The following RFC1 variants were observed in gnomAD, a reference collection of about 807,000 sequenced individuals.
RFC1 encodes the protein replication factor C subunit 1.
A neutral mutation model predicts 137.4 loss-of-function variants in RFC1; 37 were observed. That is an observed-to-expected ratio of 0.27 (90% CI 0.21 to 0.35). The LOEUF (loss-of-function observed/expected upper bound fraction) is 0.35. RFC1 is among the 10% of genes least tolerant of loss of function. The pLI, the probability that RFC1 is intolerant of heterozygous loss-of-function variation, is 1.00. For synonymous variants in RFC1, 429 were observed against 455.7 expected (o/e 0.94, Z 0.75); for missense variants, 1,205 against 1,358.5 (o/e 0.89, Z 1.78).
At chr4:39,351,283 A>C (rs1168899417) in intron 2 of RFC1, 65 bp downstream of exon 2, 5 of 485,238 alleles carry the variant, frequency 1.0e-5, no homozygotes, top group Admixed American at 6.6e-5. Flanking sequence ...AAAAAAAAAA[A>C]AACTTATAAG....
intron 2 of RFC1, among the ~76,000 whole-genome samples, chr4:39,345,925 C>T (rs1220725936): frequency 6.6e-6 from 1 of 152,158 alleles, no homozygotes; most frequent in South Asian, 2.1e-4. Flanking sequence ...ACAAAGAATT[C>T]TCCAGACTAA....
intron 3 of RFC1, among the ~76,000 whole-genome samples, chr4:39,344,268 G>T (rs1355343016): frequency 1.3e-5 from 2 of 152,092 alleles, no homozygotes; most frequent in Non-Finnish European, 2.9e-5. Flanking sequence ...AAAAATTCAT[G>T]TTCCCTATTT....
At chr4:39,290,386 T>A (rs551968722) in intron 23 of RFC1, among the ~76,000 whole-genome samples, 1 of 140,310 alleles carries the variant, frequency 7.1e-6, no homozygotes, top group East Asian at 2.1e-4. Flanking sequence ...AAAAAAAAAA[T>A]ACGTATATAT....
In RFC1 at chr4:39,320,668, T is replaced by C; in HGVS notation, c.810A>G (p.Val270=). Residue 270 remains valine, a splice_region_variant and synonymous_variant, in exon 9 of 25, where the codon GTA becomes GTG. Coordinates refer to ENST00000349703, the MANE Select transcript of RFC1 (RefSeq NM_002913.5). The stretch of plus-strand genomic sequence containing the variant: ...TTTCATCTGAAACTTGTGCTGTTTT[T>C]ACTAGGAAGAAAGAAAAGATTATGG... The part of the protein sequence containing the change: ...KAEKHKYPHK[V]KTAQVSDERK... 1 of 1,567,826 alleles carries C rather than the reference T, an allele frequency of 6.4e-7. No individual in the cohort carries two copies.
chr4:39,356,727 TTAG>T (rs1741499031), intron 1 of RFC1, among the ~76,000 whole-genome samples: 1 of 152,234 alleles, frequency 6.6e-6, no homozygotes, highest in Non-Finnish European at 1.5e-5. Flanking sequence ...ACTTTCACTT[TTAG>T]TAGGACATTT....
At chr4:39,337,435 AGTGTGTGTGTGTGT>A (rs71921435) in intron 4 of RFC1, among the ~76,000 whole-genome samples, 15 of 143,698 alleles carry the variant, frequency 1.0e-4, no homozygotes, top group South Asian at 2.3e-4. Flanking sequence ...TACTCAAATA[AGTGTGTGTGTGTGT>A]GTGTGTGTGT....
At position 39,329,484 on chromosome 4, in the gene RFC1, G is replaced by GGAGGCA. The variant is rs1739980397; in HGVS notation, c.332-1734_332-1729dup. Among the ~76,000 whole-genome samples the GGAGGCA allele has an allele frequency of 2.0e-5, 3 of 151,870 alleles. No individual in the cohort carries two copies. In the South Asian group the frequency reaches 6.2e-4, roughly 32 times the overall value. ...GCGCGCCTGTAGTCCCAGCTACTCC[G>GGAGGCA]GAGGCAGAGGCAGAGGGTGCAGTGA... On this transcript the variant is annotated intron_variant, in intron 4 of 24. Coordinates refer to ENST00000349703, the MANE Select transcript of RFC1 (RefSeq NM_002913.5).
At chr4:39,344,382 A>G (rs925207471) in intron 3 of RFC1, among the ~76,000 whole-genome samples, 1 of 152,216 alleles carries the variant, frequency 6.6e-6, no homozygotes, top group African/African-American at 2.4e-5. Context: ...TAAATTTTAG[A>G]TCTTTGCTTT....
At chr4:39,322,525 G>C (rs754215007) in intron 7 of RFC1, 4 of 152,202 alleles carry the variant, frequency 2.6e-5, no homozygotes, top group Non-Finnish European at 5.9e-5. Context: ...AAAAGACAGT[G>C]ATTAATACTG....
chr4:39,331,493 G>C (rs1359077561), intron 4 of RFC1, among the ~76,000 whole-genome samples: 1 of 152,062 alleles, frequency 6.6e-6, no homozygotes, highest in Non-Finnish European at 1.5e-5. Flanking sequence ...AAAAGTAAAT[G>C]ACCACGTAGG....
rs1214869001 is a variant in RFC1, at chr4:39,300,072, T to C, written c.2757A>G (p.Leu919=). The change falls in exon 21 of 25, where the codon CTA becomes CTG. Residue 919 remains leucine, a synonymous_variant. Coordinates refer to ENST00000349703, the MANE Select transcript of RFC1 (RefSeq NM_002913.5). ...GCTTACTCCGGATCTGGCTGTCCAC[T>C]AGGTCACCATCGCATATGCTGTCTG... ...RAADSICDGD[L]VDSQIRSKQN... is the part of the protein sequence containing the mutation. 4 of 1,614,190 alleles carry C rather than the reference T, an allele frequency of 2.5e-6. No individual in the cohort carries two copies. The highest frequency in any genetic ancestry group is 1.7e-6 in the Non-Finnish European group (2 of 1,180,006).
chr4:39,292,917 T>C (rs1737767947), intron 22 of RFC1, among the ~76,000 whole-genome samples: 1 of 152,114 alleles, frequency 6.6e-6, no homozygotes. Context: ...AGTGGTGGGA[T>C]TACAGACGTG....
intron 13 of RFC1, among the ~76,000 whole-genome samples, 174 bp downstream of exon 13, chr4:39,308,462 G>A (rs2109630636): frequency 6.6e-6 from 1 of 152,272 alleles, no homozygotes; most frequent in Non-Finnish European, 1.5e-5. Flanking sequence ...GAGAGGGACT[G>A]TTTTGTTCAC....
chr4:39,353,027 G>GACACAC (rs59032726), intron 1 of RFC1, among the ~76,000 whole-genome samples: 83 of 150,974 alleles, frequency 5.5e-4, no homozygotes, highest in South Asian at 4.2e-4. Flanking sequence ...AAATAAGTGT[G>GACACAC]ACACACACAC....
Position 39,316,769 on chromosome 4 carries a change from C to T in RFC1, c.1203+146G>A, listed in dbSNP as rs1739258861. The T allele has an allele frequency of 7.2e-6, 4 of 554,730 alleles. No individual in the cohort carries two copies. In the Admixed American group the frequency reaches 1.0e-4, roughly 14 times the overall value. 34.4% of individuals were successfully genotyped at this position (554,730 alleles called of 1,614,324 possible). On this transcript the variant is annotated intron_variant, in intron 10 of 24. Transcript: ENST00000349703. Reference sequence around the variant, plus strand: ...AGTGATTCATAACATGAATAAACATCCCTAATTCTTGAAGACAGTAACTGA... The same window carrying T: ...AGTGATTCATAACATGAATAAACATTCCTAATTCTTGAAGACAGTAACTGA...
intron 4 of RFC1, among the ~76,000 whole-genome samples, chr4:39,333,487 G>A (rs987336256): frequency 1.3e-5 from 2 of 151,624 alleles, no homozygotes; most frequent in African/African-American, 4.8e-5. Flanking sequence ...CTGAAATCGG[G>A]GAAATTTTTA....
chr4:39,305,099 C>T (rs1227592513), intron 14 of RFC1, among the ~76,000 whole-genome samples, 171 bp from the exon 15 acceptor site: 1 of 152,154 alleles, frequency 6.6e-6, no homozygotes, highest in East Asian at 1.9e-4. Context: ...GTATGCCTTA[C>T]AATATTAGAA....
At chr4:39,325,940 A>G (rs555494209) in intron 6 of RFC1, among the ~76,000 whole-genome samples, 5 of 151,734 alleles carry the variant, frequency 3.3e-5, no homozygotes, top group East Asian at 3.9e-4. Flanking sequence ...CAAAACTCCA[A>G]TGGGGCTGGG....
intron 2 of RFC1, among the ~76,000 whole-genome samples, chr4:39,348,424 A>AAAAAGAAAAGAAGAAAAGAAAAGAAAAG (rs1740977816): frequency 1.4e-5 from 1 of 71,780 alleles, no homozygotes; most frequent in Non-Finnish European, 3.0e-5. Flanking sequence ...CTCTGTTTCA[A>AAAAAGAAAAGAAGAAAAGAAAAGAAAAG]AAAAGAAAAG....
Sources: gnomAD v4.1 joint callset for allele counts (sites outside exome capture counted in the v4.1 genomes callset) on GRCh38, gnomAD v4.1.1 for gene constraint, MANE v1.5 for transcripts, NCBI Gene and HGNC (gene_info 2026-07-23, HGNC 2026-07-21) for gene names.